PPP2R2C: variants seen among roughly 807,000 people sequenced by gnomAD.
The protein encoded by PPP2R2C is protein phosphatase 2 regulatory subunit Bgamma, also known as protein phosphatase 2, regulatory subunit B, gamma.
Under a neutral mutation model 45.3 loss-of-function variants are expected in PPP2R2C, and 10 were observed. The ratio of observed to expected loss-of-function variants is 0.22; its 90% CI spans 0.14 to 0.37. The LOEUF is 0.37. PPP2R2C is among the 10% of genes least tolerant of loss of function. PPP2R2C has a pLI of 1.00. For synonymous variants in PPP2R2C, 257 were observed against 245.4 expected, an observed-to-expected ratio of 1.05 and a Z score of -0.44; for missense variants, 308 against 619.7, an observed-to-expected ratio of 0.50 and a Z score of 5.34.
At chr4:6,436,324 A>G (rs1577181604) in intron 1 of PPP2R2C, among the ~76,000 whole-genome samples, 1 of 152,372 alleles carries the variant, frequency 6.6e-6, no homozygotes, top group Admixed American at 6.5e-5. Context: ...ATCTGAGCCC[A>G]CCACAGAAGG....
At position 6,522,243 on chromosome 4, in the gene PPP2R2C, A is replaced by C. The variant is rs112518440; in HGVS notation, c.49+13028T>G. ...ACAGAGGCAGAAAGTTGCTGCCTTTAACCCTTTTCTGAGACCCCAAAATGT... is the reference window on the plus strand; with the variant it reads ...ACAGAGGCAGAAAGTTGCTGCCTTTCACCCTTTTCTGAGACCCCAAAATGT... On this transcript the variant is annotated intron_variant, in intron 2 of 9. Coordinates refer to the PPP2R2C transcript ENST00000506140. 4.3e-3 allele frequency among the ~76,000 whole-genome samples: 653 copies of C among 152,340 alleles called. 4 individuals carry two copies. The highest frequency in any genetic ancestry group is 0.014 in the African/African-American group (597 of 41,582).
At chr4:6,496,939 G>A (rs1002573517) in intron 2 of PPP2R2C, among the ~76,000 whole-genome samples, 3 of 152,030 alleles carry the variant, frequency 2.0e-5, no homozygotes, top group Admixed American at 6.5e-5. Context: ...GATGCCATAC[G>A]TATGGACGGG....
chr4:6,448,458 C>A (rs1461125163), intron 1 of PPP2R2C, among the ~76,000 whole-genome samples: 1 of 152,094 alleles, frequency 6.6e-6, no homozygotes, highest in East Asian at 1.9e-4. Flanking sequence ...CCAGGGCCGG[C>A]CCCACCTCCA....
intron 2 of PPP2R2C, among the ~76,000 whole-genome samples, chr4:6,494,621 A>C (rs1722814285): frequency 6.6e-6 from 1 of 152,210 alleles, no homozygotes; most frequent in East Asian, 1.9e-4. Context: ...GGTGGAGGCC[A>C]GCAAGCACCC....
Position 6,321,717 on chromosome 4 carries a change from T to G in PPP2R2C, c.*1585A>C, listed in dbSNP as rs1231844122. 6.6e-6 allele frequency: 1 copy of G among 151,986 alleles called. No homozygotes were observed. Among genetic ancestry groups the G allele is most frequent in the Admixed American group, 6.6e-5 (1 of 15,262 alleles). The allele number at this position is 151,986 out of a possible 1,614,324, so 9.4% of individuals were successfully genotyped here. ...GGGTCTCTGCTCCCCACTTTCTGAA[T>G]CAAAATGCCAAACTACGTGGCTCTG... On this transcript the variant is annotated 3_prime_UTR_variant, in exon 9 of 9. Transcript: ENST00000382599.
intron 1 of PPP2R2C, among the ~76,000 whole-genome samples, chr4:6,542,715 G>A (rs115861228): frequency 1.4e-3 from 27 of 19,898 alleles, no homozygotes; most frequent in East Asian, 6.0e-3. Context: ...AAAAAAAAAA[G>A]AAAAAGAAAA....
rs114852318 is a variant in PPP2R2C, at chr4:6,350,790, G to A, written c.626-2780C>T. 7,213 of 985,380 alleles carry A rather than the reference G, an allele frequency of 7.3e-3. 37 individuals are homozygous for A. Among genetic ancestry groups the A allele is most frequent in the South Asian group, 0.013 (279 of 21,278 alleles). The allele number at this position is 985,380 out of a possible 1,614,324, so 61.0% of individuals were successfully genotyped here. A position where few individuals can be genotyped will look rare whatever the true frequency, so the allele number is the denominator to read the frequency against. On this transcript the variant is annotated intron_variant, in intron 5 of 8. Transcript: ENST00000382599. The stretch of plus-strand genomic sequence containing the variant: ...AGGCTGAAGTTTTGAGAGCCAGCAC[G>A]TGGTCTGCTGTGACACTGTTCCCTC...
Position 6,321,328 on chromosome 4 carries a change from C to G in PPP2R2C, c.*1974G>C, listed in dbSNP as rs1049898504. The G allele has an allele frequency of 3.9e-5, 6 of 152,484 alleles. No individual in the cohort carries two copies. The highest frequency in any genetic ancestry group is 1.4e-4 in the African/African-American group (6 of 41,444). The allele number at this position is 152,484 out of a possible 1,614,324, so 9.4% of individuals were successfully genotyped here. On this transcript the variant is annotated 3_prime_UTR_variant, in exon 9 of 9. Coordinates refer to ENST00000382599, the MANE Select transcript of PPP2R2C (RefSeq NM_020416.4). ...CTGGGTTTTGGCTTTAACACGCTAT[C>G]TATACAATTGACCACATTCTCGAAC... is the stretch of plus-strand genomic sequence containing the variant.
chr4:6,423,062 G>A (rs371035503), intron 1 of PPP2R2C, among the ~76,000 whole-genome samples: 23 of 152,274 alleles, frequency 1.5e-4, no homozygotes, highest in East Asian at 1.4e-3. Context: ...CTGGCTCCCC[G>A]ATGGCTGTGC....
Position 6,381,060 on chromosome 4 carries a change from C to G in PPP2R2C, c.105G>C (p.Thr35=). The G allele has an allele frequency of 6.3e-7, 1 of 1,593,760 alleles. No individual in the cohort carries two copies. The highest frequency in any genetic ancestry group is 8.6e-7 in the Non-Finnish European group (1 of 1,168,104). The change falls in exon 2 of 9, where the codon ACG becomes ACC. Residue 35 remains threonine (T), a synonymous_variant. Transcript: ENST00000382599. ...DIISTVEFNH[T]GELLATGDKG... ...TGTCACCTGTGGCCAGCAGCTCTCCCGTGTGGTTGAACTCAACGGTAGAGA... is the reference window on the plus strand; with the variant it reads ...TGTCACCTGTGGCCAGCAGCTCTCCGGTGTGGTTGAACTCAACGGTAGAGA...
intron 2 of PPP2R2C, among the ~76,000 whole-genome samples, chr4:6,511,891 G>A (rs1577230370): frequency 3.2e-5 from 2 of 62,774 alleles, no homozygotes; most frequent in African/African-American, 5.8e-5. Context: ...GGTGGTGGTG[G>A]TGATGGTGGT....
intron 2 of PPP2R2C, among the ~76,000 whole-genome samples, chr4:6,524,407 A>G (rs1724129001): frequency 6.6e-6 from 1 of 152,224 alleles, no homozygotes; most frequent in Non-Finnish European, 1.5e-5. Context: ...GAGGAATGGG[A>G]GTGACTGCTT....
At chr4:6,371,505 T>G (rs889535489) in intron 5 of PPP2R2C, among the ~76,000 whole-genome samples, 1 of 152,188 alleles carries the variant, frequency 6.6e-6, no homozygotes, top group Non-Finnish European at 1.5e-5. Context: ...TCCAGTTGCA[T>G]GGAGGCTCTC....
chr4:6,382,132 TAGA>T lies in PPP2R2C; in HGVS notation c.71-1041_71-1039del, dbSNP rs371111738. ...GAAGTCATTCTTAATATTTGAAAAG[TAGA>T]AGATTTCCTATAAAAATCCACATTT... is the stretch of plus-strand genomic sequence containing the variant. On this transcript the variant is annotated intron_variant, in intron 1 of 8. Coordinates refer to ENST00000382599, the MANE Select transcript of PPP2R2C (RefSeq NM_020416.4). 1,003 of 1,255,080 alleles carry T rather than the reference TAGA, an allele frequency of 8.0e-4. 9 individuals carry two copies. In the African/African-American group the frequency reaches 0.014, roughly 17 times the overall value. The allele number at this position is 1,255,080 out of a possible 1,614,324, so 77.7% of individuals were successfully genotyped here. A position where few individuals can be genotyped will look rare whatever the true frequency, so the allele number is the denominator to read the frequency against.
chr4:6,468,754 G>A (rs190377465), intron 1 of PPP2R2C, among the ~76,000 whole-genome samples: 5 of 152,232 alleles, frequency 3.3e-5, no homozygotes, highest in Non-Finnish European at 5.9e-5. Context: ...GTTCAGTCTA[G>A]TCTGGAAGTG....
intron 1 of PPP2R2C, among the ~76,000 whole-genome samples, chr4:6,457,761 T>A (rs183689617): frequency 6.6e-6 from 1 of 152,354 alleles, no homozygotes; most frequent in East Asian, 1.9e-4. Flanking sequence ...TCAAGTGCTT[T>A]ATTTCTTTGT....
intron 2 of PPP2R2C, among the ~76,000 whole-genome samples, chr4:6,521,528 G>C (rs1242302312): frequency 1.3e-5 from 2 of 152,216 alleles, no homozygotes; most frequent in Non-Finnish European, 2.9e-5. Context: ...GCTCCAGAGA[G>C]GAGCCCACCC....
intron 2 of PPP2R2C, among the ~76,000 whole-genome samples, chr4:6,526,361 C>T (rs1388226070): frequency 6.6e-6 from 1 of 152,232 alleles, no homozygotes; most frequent in African/African-American, 2.4e-5. Context: ...AGGCTGCAGC[C>T]CTTCATGAGG....
Position 6,328,932 on chromosome 4 carries a change from A to G in PPP2R2C, c.1052+330T>C, listed in dbSNP as rs1337224198. Among the ~76,000 whole-genome samples the G allele has an allele frequency of 1.3e-5, 2 of 151,980 alleles. No individual in the cohort carries two copies. Among genetic ancestry groups the G allele is most frequent in the African/African-American group, 2.4e-5 (1 of 41,368 alleles). On this transcript the variant is annotated intron_variant, in intron 8 of 8. Coordinates refer to ENST00000382599, the MANE Select transcript of PPP2R2C (RefSeq NM_020416.4). This position sits in a 1 kb window ranked among gnomAD's most constrained non-coding sequence, Gnocchi z 4.4. ...GATGATGGTGACCGGGTGCTGGGCT[A>G]TAGCCCTCGCCCCCGACAAGCTGGG...
Sources: allele counts gnomAD v4.1 joint callset (sites outside exome capture counted in the v4.1 genomes callset), GRCh38; gene constraint gnomAD v4.1.1; non-coding constraint Gnocchi (gnomAD v3.1); transcripts MANE v1.5; gene names NCBI Gene and HGNC (gene_info 2026-07-23, HGNC 2026-07-21).